MUS81: variants seen among roughly 807,000 people sequenced by gnomAD.
MUS81 encodes MUS81 structure-specific endonuclease subunit.
MUS81 carries 69 observed loss-of-function variants against 74.2 expected under a neutral mutation model. That is an observed-to-expected ratio of 0.93 (90% CI 0.77 to 1.14). MUS81 has a LOEUF of 1.14. Ranked by LOEUF, MUS81 falls within the 50% of genes most tolerant of loss-of-function variation. The pLI, the probability that MUS81 is intolerant of heterozygous loss-of-function variation, is 0.00. For synonymous variants in MUS81, 303 were observed against 300.6 expected, an observed-to-expected ratio of 1.01 and a Z score of -0.08; for missense variants, 711 against 726.5, an observed-to-expected ratio of 0.98 and a Z score of 0.25.
intron 10 of MUS81, chr11:65,864,142 C>G (rs1007047014): frequency 1.5e-5 from 9 of 597,142 alleles, no homozygotes; most frequent in African/African-American, 1.1e-4. Context: ...TCTTGGGTAC[C>G]CAGCCCCTGC....
intron 3 of MUS81, 186 bp from the exon 4 acceptor site, chr11:65,861,761 C>T (rs1449575415): frequency 1.6e-6 from 1 of 627,846 alleles, no homozygotes; most frequent in African/African-American, 1.8e-5. Context: ...CCCCCACCCA[C>T]TGCCCCGAAA....
chr11:65,863,028 AAGAAGGT>A, intron 6 of MUS81, 30 bp from the exon 7 acceptor site: 1 of 1,612,960 alleles, frequency 6.2e-7, no homozygotes, highest in Non-Finnish European at 8.5e-7. Context: ...GGAATGAGTG[AAGAAGGT>A]AGAGCTGTGT....
rs577027532 is a variant in MUS81 at position 65,861,202 on chromosome 11, C to G, written c.265+100C>G. On this transcript the variant is annotated intron_variant, in intron 2 of 15. Transcript: ENST00000308110. ...TGGCTTTTAAGCTCCCCACTCCTGT[C>G]CCAGTTGCCGTTCGGCCTAGGGCTA... The G allele has an allele frequency of 3.3e-5, 52 of 1,581,632 alleles. No homozygotes were observed. In the Admixed American group the frequency reaches 6.1e-4, roughly 19 times the overall value.
Position 65,863,615 on chromosome 11 carries a change from G to A in MUS81, c.855G>A (p.Pro285=), listed in dbSNP as rs774672108. The A allele has an allele frequency of 4.3e-6, 7 of 1,613,948 alleles. No individual in the cohort carries two copies. Among genetic ancestry groups the A allele is most frequent in the Non-Finnish European group, 5.9e-6 (7 of 1,179,956 alleles). ...IGETRGGGHR[P]ELLRELQRLH... is the part of the protein sequence containing the mutation. ...GCCACTCCAGGGGCGGGCACAGGCC[G>A]GAGCTGCTCCGAGAGCTACAGCGGC... Residue 285 remains proline, a synonymous_variant, in exon 9 of 16, where the codon CCG becomes CCA. Transcript: ENST00000308110.
At chr11:65,867,021 T>A (rs749135888), downstream of MUS81, 5 of 1,614,002 alleles carry the variant, frequency 3.1e-6, no homozygotes, top group South Asian at 5.5e-5. Flanking sequence ...CAGCACGTAC[T>A]CCCGGGGGCC....
chr11:65,863,351 T>C, intron 7 of MUS81, 59 bp from the exon 8 acceptor site: 1 of 1,605,410 alleles, frequency 6.2e-7, no homozygotes, highest in East Asian at 2.2e-5. Context: ...GGCATGGGTG[T>C]GGGGCAACTG....
Position 65,866,363 on chromosome 11 carries a change from G to T in MUS81, c.*311G>T, listed in dbSNP as rs989543996. 1.6e-6 allele frequency: 1 copy of T among 613,714 alleles called. No individual in the cohort carries two copies. Among genetic ancestry groups the T allele is most frequent in the African/African-American group, 1.9e-5 (1 of 53,986 alleles). The allele number at this position is 613,714 out of a possible 1,614,324, so 38.0% of individuals were successfully genotyped here. On this transcript the variant is annotated 3_prime_UTR_variant, in exon 16 of 16. Coordinates refer to ENST00000308110, the MANE Select transcript of MUS81 (RefSeq NM_025128.5). ...GTCCTCATCAAATAAAATTTCCTTA[G>T]GAGTGCAGAGGGCTCATTGGGAAAA... is the stretch of plus-strand genomic sequence containing the variant.
At chr11:65,867,185 C>T, downstream of MUS81, 1 of 1,436,178 alleles carries the variant, frequency 7.0e-7, no homozygotes, top group Non-Finnish European at 9.6e-7. Flanking sequence ...AGAGGAACAG[C>T]CCTGGCCAGG....
rs1859578743 is a variant in MUS81, at chr11:65,861,009, C to G, written c.172C>G (p.Arg58Gly). ...CCTCCGACGGTACCCACTGCCGCTG[C>G]GCAGCGGGAAGGAAGCTAAGATCCT... Reference protein sequence around the residue: ...RSLRRYPLPLRSGKEAKILQH... With the variant: ...RSLRRYPLPLGSGKEAKILQH... The change falls in exon 2 of 16, where the codon CGC (arginine) becomes GGC (glycine). Residue 58 changes from arginine to glycine, a missense_variant. Coordinates refer to ENST00000308110, the MANE Select transcript of MUS81 (RefSeq NM_025128.5). The G allele has an allele frequency of 6.2e-7, 1 of 1,612,472 alleles. No individual in the cohort carries two copies. The highest frequency in any genetic ancestry group is 8.5e-7 in the Non-Finnish European group (1 of 1,179,878).
In MUS81 at chr11:65,862,459, G is replaced by GC; in HGVS notation, c.536dup (p.Arg180SerfsTer73). ...TGATCCACAGGTAGCCCCTGGGAGT[G>GC]CTCGACCCTGGCCAGCCCTCCGCTC... On this transcript the variant is annotated frameshift_variant, in exon 6 of 16. Coordinates refer to ENST00000308110, the MANE Select transcript of MUS81 (RefSeq NM_025128.5). LOFTEE classifies it high-confidence loss of function. 4 of 1,613,794 alleles carry GC rather than the reference G, an allele frequency of 2.5e-6. No individual in the cohort carries two copies. Among genetic ancestry groups the GC allele is most frequent in the Non-Finnish European group, 3.4e-6 (4 of 1,179,872 alleles).
chr11:65,861,132 C>T (rs745356847), intron 2 of MUS81, 30 bp downstream of exon 2: 4 of 1,610,762 alleles, frequency 2.5e-6, no homozygotes, highest in Non-Finnish European at 2.5e-6. Context: ...GTCGGTGATC[C>T]CCCACCTCCC....
intron 4 of MUS81, 47 bp downstream of exon 4, chr11:65,862,092 G>A (rs1165031496): frequency 6.3e-7 from 1 of 1,596,326 alleles, no homozygotes; most frequent in Admixed American, 1.7e-5. Context: ...CAGTGGGGTG[G>A]GAGGTTCCCC....
Position 65,860,937 on chromosome 11 carries a change from C to T in MUS81, c.136-36C>T, listed in dbSNP as rs748642148. ...GGAAAAGCTGCTGGCCAGGTCAGGCCTGCCCTGACCAGGTACCCTACCCCT... is the reference window on the plus strand; with the variant it reads ...GGAAAAGCTGCTGGCCAGGTCAGGCTTGCCCTGACCAGGTACCCTACCCCT... On this transcript the variant is annotated intron_variant, in intron 1 of 15. Coordinates refer to ENST00000308110, the MANE Select transcript of MUS81 (RefSeq NM_025128.5). 3.1e-6 allele frequency: 5 copies of T among 1,608,976 alleles called. No homozygotes were observed. The East Asian group carries it at 6.7e-5, about 22-fold the overall frequency.
At chr11:65,867,300 C>T (rs2134745425), downstream of MUS81, 1 of 597,600 alleles carries the variant, frequency 1.7e-6, no homozygotes, top group South Asian at 2.0e-5. Flanking sequence ...TTCTCACCCT[C>T]TCCAGCCTGC....
chr11:65,861,140 C>T (rs1268875556), intron 2 of MUS81, 38 bp downstream of exon 2: 18 of 1,610,176 alleles, frequency 1.1e-5, no homozygotes, highest in Non-Finnish European at 1.4e-5. Flanking sequence ...TCCCCCACCT[C>T]CCCCAGGTGG....
At chr11:65,866,754 C>A, downstream of MUS81, 1 of 903,918 alleles carries the variant, frequency 1.1e-6, no homozygotes, top group Non-Finnish European at 1.8e-6. Flanking sequence ...CTTGGCCTGC[C>A]CCCCCAAGTG....
rs774364160 is a variant in MUS81, at chr11:65,863,132, C to G, written c.673C>G (p.Leu225Val). 6.2e-7 allele frequency: 1 copy of G among 1,614,126 alleles called. No individual in the cohort carries two copies. The highest frequency in any genetic ancestry group is 2.2e-5 in the East Asian group (1 of 44,878). The change falls in exon 7 of 16, where the codon CTG becomes GTG. Residue 225 changes from leucine (L) to valine (V), a missense_variant. By Grantham distance (32) the Leu-to-Val change is conservative. Coordinates refer to ENST00000308110, the MANE Select transcript of MUS81 (RefSeq NM_025128.5). ...KLAESEGLSL[L>V]NVGIGPKEPP... ...GGCCGAGTCAGAAGGCCTGAGCTTGCTGAATGTGGGCATCGGGCCCAAGGA... is the reference window on the plus strand; with the variant it reads ...GGCCGAGTCAGAAGGCCTGAGCTTGGTGAATGTGGGCATCGGGCCCAAGGA...
At position 65,860,493 on chromosome 11, in the gene MUS81, T is replaced by A. The variant is rs1467330431; in HGVS notation, c.-261T>A. 1 of 576,844 alleles carries A rather than the reference T, an allele frequency of 1.7e-6. No homozygotes were observed. The highest frequency in any genetic ancestry group is 1.9e-5 in the African/African-American group (1 of 53,458). The allele number at this position is 576,844 out of a possible 1,614,324, so 35.7% of individuals were successfully genotyped here. A position where few individuals can be genotyped will look rare whatever the true frequency, so the allele number is the denominator to read the frequency against. On this transcript the variant is annotated 5_prime_UTR_variant, in exon 1 of 16. Transcript: ENST00000308110. ...GAAAGGGCGCGTCTCAAAGGCTGGC[T>A]GGAGTGGAGCCAAGGGAAAAGATCG...
chr11:65,863,864 G>A lies in MUS81; in HGVS notation c.1022G>A (p.Cys341Tyr), dbSNP rs1381817162. The A allele has an allele frequency of 1.9e-6, 3 of 1,614,064 alleles. No individual in the cohort carries two copies. Among genetic ancestry groups the A allele is most frequent in the Non-Finnish European group, 2.5e-6 (3 of 1,180,018 alleles). The change falls in exon 10 of 16, where the codon TGC (cysteine) becomes TAC (tyrosine). Residue 341 changes from cysteine (C) to tyrosine (Y), a missense_variant. By Grantham distance (194) the Cys-to-Tyr change is radical. Coordinates refer to ENST00000308110, the MANE Select transcript of MUS81 (RefSeq NM_025128.5). ...GAGCGCAAGCGACTGGATGACCTTTGCAGCAGCATCATCGACGGCCGCTTC... is the reference window on the plus strand; with the variant it reads ...GAGCGCAAGCGACTGGATGACCTTTACAGCAGCATCATCGACGGCCGCTTC... Reference protein sequence around the residue: ...IVERKRLDDLCSSIIDGRFRE... With the variant: ...IVERKRLDDLYSSIIDGRFRE...
Sources: allele counts gnomAD v4.1 joint callset, GRCh38; gene constraint gnomAD v4.1.1; transcripts MANE v1.5; gene names NCBI Gene and HGNC (gene_info 2026-07-23, HGNC 2026-07-21).